The following PHF24 variants were observed in gnomAD, a reference collection of about 807,000 sequenced individuals.
The protein encoded by PHF24 is PHD finger protein 24, also known as Galpha inhibitory interacting protein.
Under a neutral mutation model 42.6 loss-of-function variants are expected in PHF24, and 25 were observed. The observed-to-expected ratio is 0.59, with a 90% CI of 0.43 to 0.82. The LOEUF (loss-of-function observed/expected upper bound fraction) is 0.82. PHF24 is among the 40% of genes least tolerant of loss of function. The pLI is 0.00. For missense variants in PHF24, 470 were observed against 538.1 expected, an observed-to-expected ratio of 0.87 and a Z score of 1.25; for synonymous variants, 185 against 204.8, an observed-to-expected ratio of 0.90 and a Z score of 0.83.
intron 1 of PHF24, among the ~76,000 whole-genome samples, chr9:34,967,556 A>C (rs1337622116): frequency 2.6e-5 from 4 of 152,248 alleles, no homozygotes. Flanking sequence ...CATAATAAAA[A>C]TATGCTCAAA....
At chr9:34,709,485 C>T in the PHF24 span, 5 of 1,613,816 alleles carry the variant, frequency 3.1e-6, no homozygotes, top group East Asian at 2.2e-5. Flanking sequence ...TACCCACATC[C>T]CTCAGATTCC....
the PHF24 span, among the ~76,000 whole-genome samples, chr9:34,812,057 C>T: frequency 4.6e-5 from 7 of 152,148 alleles, no homozygotes; most frequent in Non-Finnish European, 7.3e-5. Context: ...CATCATTAGT[C>T]GTTAGGAAAA....
chr9:34,802,846 G>A, the PHF24 span, among the ~76,000 whole-genome samples: 2 of 152,052 alleles, frequency 1.3e-5, no homozygotes, highest in Admixed American at 1.3e-4. Flanking sequence ...CTGTCCTCGG[G>A]GTGTTTCACT....
the PHF24 span, chr9:34,918,024 C>A: frequency 8.0e-7 from 1 of 1,256,006 alleles, no homozygotes; most frequent in Non-Finnish European, 1.2e-6. Flanking sequence ...ACACCAGTAC[C>A]ACATCTGTGC....
the PHF24 span, among the ~76,000 whole-genome samples, chr9:34,936,018 TCTCCCTCTCCCG>T: frequency 2.0e-5 from 3 of 148,852 alleles, no homozygotes; most frequent in Admixed American, 1.3e-4. Flanking sequence ...TGAGTCTCCC[TCTCCCTCTCCCG>T]CTCCCGCTCC....
chr9:34,934,546 TCAGCAAA>T, the PHF24 span, among the ~76,000 whole-genome samples: 1 of 132,742 alleles, frequency 7.5e-6, no homozygotes, highest in Non-Finnish European at 1.6e-5. Flanking sequence ...CTTCCTACTC[TCAGCAAA>T]GGCTGAATTC....
At chr9:34,875,287 T>C in the PHF24 span, among the ~76,000 whole-genome samples, 1 of 152,322 alleles carries the variant, frequency 6.6e-6, no homozygotes, top group Non-Finnish European at 1.5e-5. Flanking sequence ...CACAATATTC[T>C]TCTTGTCTTT....
the PHF24 span, chr9:34,729,386 G>A: frequency 4.5e-6 from 7 of 1,551,318 alleles, no homozygotes; most frequent in Non-Finnish European, 6.1e-6. Context: ...AGATGTATAA[G>A]GGATATCCAA....
At chr9:34,943,357 G>A in the PHF24 span, among the ~76,000 whole-genome samples, 2 of 152,126 alleles carry the variant, frequency 1.3e-5, no homozygotes, top group African/African-American at 4.8e-5. Context: ...CCAATATGAG[G>A]GTTACTCTAA....
At chr9:34,680,012 A>T in the PHF24 span, among the ~76,000 whole-genome samples, 1 of 152,200 alleles carries the variant, frequency 6.6e-6, no homozygotes, top group East Asian at 1.9e-4. Flanking sequence ...GGCTCACAGG[A>T]GCTGTGAGAT....
the PHF24 span, among the ~76,000 whole-genome samples, chr9:34,822,273 T>C: frequency 6.6e-6 from 1 of 152,226 alleles, no homozygotes; most frequent in African/African-American, 2.4e-5. Flanking sequence ...TATGGTAATA[T>C]TTGCCTTCTG....
chr9:34,859,510 G>C, the PHF24 span, among the ~76,000 whole-genome samples: 1 of 152,024 alleles, frequency 6.6e-6, no homozygotes, highest in Non-Finnish European at 1.5e-5. Flanking sequence ...GTTTTTTCTA[G>C]ACCTTTGACT....
the PHF24 span, among the ~76,000 whole-genome samples, chr9:34,730,957 T>A: frequency 5.3e-5 from 8 of 152,206 alleles, no homozygotes; most frequent in African/African-American, 1.9e-4. Flanking sequence ...TAGAGGCCTC[T>A]TGATGGAGGG....
chr9:34,703,757 G>A, the PHF24 span, among the ~76,000 whole-genome samples: 1 of 151,420 alleles, frequency 6.6e-6, no homozygotes, highest in Non-Finnish European at 1.5e-5. Context: ...GTAGAGACAG[G>A]GCCTTGCCAT....
At chr9:34,812,564 C>T in the PHF24 span, among the ~76,000 whole-genome samples, 3 of 152,174 alleles carry the variant, frequency 2.0e-5, no homozygotes, top group East Asian at 3.8e-4. Flanking sequence ...ACCATCATCC[C>T]TGCTAAACCC....
the PHF24 span, chr9:34,834,955 C>T: frequency 6.9e-7 from 1 of 1,450,246 alleles, no homozygotes; most frequent in Non-Finnish European, 9.3e-7. Flanking sequence ...CTTGAGATCC[C>T]ATGAAAGTGG....
At chr9:34,709,982 C>A in the PHF24 span, 152 of 1,614,058 alleles carry the variant, frequency 9.4e-5, no homozygotes, top group African/African-American at 1.5e-3. Context: ...CATGCAAGGC[C>A]CCTCCCTGCC....
At chr9:34,889,849 C>T in the PHF24 span, among the ~76,000 whole-genome samples, 1 of 152,310 alleles carries the variant, frequency 6.6e-6, no homozygotes, top group East Asian at 1.9e-4. Context: ...AGTAATGGCC[C>T]AGTAAGTTGG....
At chr9:34,943,480 T>G in the PHF24 span, among the ~76,000 whole-genome samples, 1 of 152,194 alleles carries the variant, frequency 6.6e-6, no homozygotes, top group Admixed American at 6.5e-5. Flanking sequence ...ATTTATTAGT[T>G]GGTCTCTGTA....
Sources: gnomAD v4.1 joint callset for allele counts (sites outside exome capture counted in the v4.1 genomes callset) on GRCh38, gnomAD v4.1.1 for gene constraint, MANE v1.5 for transcripts, NCBI Gene and HGNC (gene_info 2026-07-23, HGNC 2026-07-21) for gene names.